GSTT4: variants seen among roughly 807,000 people sequenced by gnomAD.
The protein encoded by GSTT4 is glutathione S-transferase theta 4.
chr22:23,998,039 G>A (rs2034135916), downstream of GSTT4, among the ~76,000 whole-genome samples: 1 of 152,204 alleles, frequency 6.6e-6, no homozygotes, highest in Non-Finnish European at 1.5e-5. Flanking sequence ...TACTTTGTGT[G>A]ATTTCAATCA....
chr22:23,992,052 C>CAAAAAAAAAAAAA, the GSTT4 span, among the ~76,000 whole-genome samples: 4 of 71,198 alleles, frequency 5.6e-5, no homozygotes, highest in Non-Finnish European at 1.1e-4. Flanking sequence ...TACTCCGTCT[C>CAAAAAAAAAAAAA]AAAAAAAAAA....
chr22:23,989,595 A>G, the GSTT4 span, among the ~76,000 whole-genome samples: 9 of 148,390 alleles, frequency 6.1e-5, no homozygotes, highest in African/African-American at 1.7e-4. Context: ...TGACCTGTCA[A>G]TACCCCAGAG....
At chr22:24,002,099 T>C (rs1257551287) in intron 2 of GSTT4, among the ~76,000 whole-genome samples, 1 of 152,162 alleles carries the variant, frequency 6.6e-6, no homozygotes, top group Non-Finnish European at 1.5e-5. Context: ...GTGGGGGTGA[T>C]TGGGGAGTGA....
At chr22:23,999,830 G>C (rs910470700) in intron 4 of GSTT4, among the ~76,000 whole-genome samples, 130 of 150,408 alleles carry the variant, frequency 8.6e-4, no homozygotes, top group African/African-American at 2.9e-3. Context: ...CTCACCCTCC[G>C]GGTCCTCCCA....
intron 4 of GSTT4, among the ~76,000 whole-genome samples, chr22:23,999,089 G>A (rs1213278288): frequency 6.6e-6 from 1 of 152,188 alleles, no homozygotes; most frequent in East Asian, 1.9e-4. Context: ...ATGTGGATGA[G>A]GGAGAGAACT....
chr22:24,002,149 C>A (rs1309347176), intron 2 of GSTT4, among the ~76,000 whole-genome samples: 2 of 152,266 alleles, frequency 1.3e-5, no homozygotes, highest in Admixed American at 6.5e-5. Flanking sequence ...CGTAGGGTAG[C>A]CCCTGGAGGT....
rs1489396227 is a variant in GSTT4 at position 24,000,262 on chromosome 22, T to C, written c.352-11A>G. On this transcript the variant is annotated splice_polypyrimidine_tract_variant and intron_variant, in intron 3 of 4. Transcript: ENST00000621179. ...CTTTGGGATCAGCAACTGGCCAGGG[T>C]TGGGAAGAGGAGGGAAGAGGAGGCT... 1 of 152,936 alleles carries C rather than the reference T, an allele frequency of 6.5e-6. No individual in the cohort carries two copies. The highest frequency in any genetic ancestry group is 2.4e-5 in the African/African-American group (1 of 41,132). 9.5% of individuals were successfully genotyped at this position (152,936 alleles called of 1,614,324 possible). A position where few individuals can be genotyped will look rare whatever the true frequency, so the allele number is the denominator to read the frequency against.
the GSTT4 span, among the ~76,000 whole-genome samples, chr22:23,990,754 T>C: frequency 1.0e-5 from 1 of 100,028 alleles, no homozygotes; most frequent in African/African-American, 3.2e-5. Flanking sequence ...TCCAAGCACA[T>C]GGGGTGAAGA....
intron 2 of GSTT4, among the ~76,000 whole-genome samples, chr22:24,002,881 C>A (rs1391249372): frequency 1.3e-5 from 2 of 151,990 alleles, no homozygotes; most frequent in African/African-American, 2.4e-5. Flanking sequence ...AACAAACTGC[C>A]AAGAAAATGT....
Position 23,998,656 on chromosome 22 carries a change from A to G in GSTT4, c.612T>C (p.Ser204=). 6.5e-6 allele frequency: 1 copy of G among 154,904 alleles called. No homozygotes were observed. The allele number at this position is 154,904 out of a possible 1,614,324, so 9.6% of individuals were successfully genotyped here. The change falls in exon 5 of 5, where the codon TCT becomes TCC. Residue 204 remains serine (S), a synonymous_variant. Transcript: ENST00000621179. The part of the protein sequence containing the change: ...WRMQVELNIG[S]GLFREAHDRL... ...GATCATGGGCCTCCCTAAAGAGGCC[A>G]GAGCCAATATTCAGCTCCACCTGCA...
chr22:23,996,104 C>G (rs577661722), downstream of GSTT4, among the ~76,000 whole-genome samples: 1 of 151,934 alleles, frequency 6.6e-6, no homozygotes, highest in Non-Finnish European at 1.5e-5. Flanking sequence ...CCACCACGCC[C>G]GGCTAATTTT....
chr22:23,999,073 G>A (rs1312851152), intron 4 of GSTT4, among the ~76,000 whole-genome samples: 2 of 152,212 alleles, frequency 1.3e-5, no homozygotes, highest in African/African-American at 2.4e-5. Flanking sequence ...TATCCCAGGT[G>A]TGTATATGTG....
the GSTT4 span, among the ~76,000 whole-genome samples, chr22:23,993,002 G>A: frequency 2.6e-5 from 4 of 152,222 alleles, no homozygotes; most frequent in South Asian, 8.3e-4. Context: ...TGAATTCCTT[G>A]GCTCAAGTGA....
chr22:24,000,947 C>T (rs587704590), intron 3 of GSTT4, among the ~76,000 whole-genome samples: 24 of 101,702 alleles, frequency 2.4e-4, no homozygotes, highest in African/African-American at 1.1e-3. Context: ...CAGCCCCTCC[C>T]GTATGCCCTT....
rs530675833 is a variant in GSTT4 at position 23,998,457 on chromosome 22, T to G, written c.*85A>C. 941 of 16,022 alleles carry G rather than the reference T, an allele frequency of 0.059. 10 individuals are homozygous for G. The highest frequency in any genetic ancestry group is 0.19 in the African/African-American group (845 of 4,344). 1.0% of individuals were successfully genotyped at this position (16,022 alleles called of 1,614,324 possible). ...GAACAGTTGTTTTTTTGTTTTTTTG[T>G]TTTTTTTTTTTTAACATTTCCTTTA... On this transcript the variant is annotated 3_prime_UTR_variant, in exon 5 of 5. Coordinates refer to ENST00000621179, the MANE Select transcript of GSTT4 (RefSeq NM_001358664.2).
rs541456403 is a variant in GSTT4, at chr22:23,998,737, G to T, written c.531C>A (p.Pro177=). The change falls in exon 5 of 5, where the codon CCC becomes CCA. Residue 177 remains proline, a splice_region_variant and synonymous_variant. Coordinates refer to ENST00000621179, the MANE Select transcript of GSTT4 (RefSeq NM_001358664.2). The part of the protein sequence containing the change: ...DLVAVVEMMQ[P]MAANYNVFLN... ...GGAAGACATTATAGTTGGCTGCCAT[G>T]GGCTGTAGATAGACGAAGACAAAGA... is the stretch of plus-strand genomic sequence containing the variant. 6.8e-4 allele frequency: 106 copies of T among 154,790 alleles called. No individual in the cohort carries two copies. Among genetic ancestry groups the T allele is most frequent in the Non-Finnish European group, 1.3e-3 (86 of 68,098 alleles). 9.6% of individuals were successfully genotyped at this position (154,790 alleles called of 1,614,324 possible). A position where few individuals can be genotyped will look rare whatever the true frequency, so the allele number is the denominator to read the frequency against.
At chr22:24,001,952 C>G (rs2034239317) in intron 2 of GSTT4, among the ~76,000 whole-genome samples, 1 of 152,280 alleles carries the variant, frequency 6.6e-6, no homozygotes, top group Non-Finnish European at 1.5e-5. Flanking sequence ...GATTGTGCCA[C>G]TGTACTCCAG....
At chr22:23,992,923 T>C in the GSTT4 span, among the ~76,000 whole-genome samples, 1 of 152,018 alleles carries the variant, frequency 6.6e-6, no homozygotes, top group African/African-American at 2.4e-5. Flanking sequence ...CACATGCGCA[T>C]GCCACCAATC....
chr22:23,997,661 T>C (rs1247041546), downstream of GSTT4, among the ~76,000 whole-genome samples: 1 of 152,214 alleles, frequency 6.6e-6, no homozygotes, highest in African/African-American at 2.4e-5. Flanking sequence ...CTATTTTCTA[T>C]TTCATTTATC....
Sources: allele counts gnomAD v4.1 joint callset (sites outside exome capture counted in the v4.1 genomes callset), GRCh38; gene constraint gnomAD v4.1.1; transcripts MANE v1.5; gene names NCBI Gene and HGNC (gene_info 2026-07-23, HGNC 2026-07-21).